Variants in ZNF638 observed in about 807,000 individuals in gnomAD.
ZNF638 encodes the protein zinc finger protein 638.
ZNF638 carries 46 observed loss-of-function variants against 195.6 expected under a neutral mutation model. That is an observed-to-expected ratio of 0.24 (90% CI 0.19 to 0.30). The LOEUF (loss-of-function observed/expected upper bound fraction) is 0.30, where lower values mean the gene tolerates loss of function less well. ZNF638 is among the 10% of genes least tolerant of loss of function. The probability of loss-of-function intolerance (pLI) is 1.00; values close to 1 mark genes in which losing one functional copy is unlikely to be tolerated. For synonymous variants in ZNF638, 845 were observed against 772.0 expected, an observed-to-expected ratio of 1.09 and a Z score of -1.57; for missense variants, 2,440 against 2,325.3, an observed-to-expected ratio of 1.05 and a Z score of -1.01.
intron 3 of ZNF638, among the ~76,000 whole-genome samples, chr2:71,361,475 A>C (rs1453812473): frequency 6.6e-6 from 1 of 152,194 alleles, no homozygotes; most frequent in African/African-American, 2.4e-5. Flanking sequence ...ATGATTAAAG[A>C]TTTGCTTTGA....
At chr2:71,421,646 G>T (rs754881475) in intron 21 of ZNF638, among the ~76,000 whole-genome samples, 1 of 152,142 alleles carries the variant, frequency 6.6e-6, no homozygotes, top group Non-Finnish European at 1.5e-5. Context: ...TAAGAAGCAG[G>T]TCAAAAGGGA....
chr2:71,352,190 G>A (rs1421974176), intron 2 of ZNF638, among the ~76,000 whole-genome samples: 1 of 151,964 alleles, frequency 6.6e-6, no homozygotes, highest in Non-Finnish European at 1.5e-5. Flanking sequence ...TAAAGAGGAG[G>A]AGGGGGCCGG....
chr2:71,408,222 T>C lies in ZNF638; in HGVS notation c.3236T>C (p.Leu1079Ser). The C allele has an allele frequency of 6.2e-7, 1 of 1,612,786 alleles. No homozygotes were observed. Among genetic ancestry groups the C allele is most frequent in the Non-Finnish European group, 8.5e-7 (1 of 1,179,414 alleles). Residue 1079 changes from leucine to serine, a missense_variant, in exon 20 of 28, where the codon TTA becomes TCA. Physicochemically the swap from Leu to Ser is moderately radical, Grantham distance 145. Transcript: ENST00000264447. ...GGTGACCATATGTTGACCTGCTCAT[T>C]ATCTCCAAAGATAGACTTACCAGAG... ...NIGDHMLTCS[L>S]SPKIDLPEVQ...
intron 5 of ZNF638, 144 bp downstream of exon 5, chr2:71,364,396 T>G: frequency 3.5e-6 from 3 of 868,610 alleles, no homozygotes; most frequent in Non-Finnish European, 5.1e-6. Flanking sequence ...ACAGAGTTAT[T>G]CCCTCTGGTA....
At chr2:71,341,396 A>T (rs573648327) in intron 1 of ZNF638, among the ~76,000 whole-genome samples, 3 of 152,310 alleles carry the variant, frequency 2.0e-5, no homozygotes, top group African/African-American at 7.2e-5. Context: ...TTAGAAAAAT[A>T]AAATGTCAAC....
At chr2:71,410,368 G>T (rs531254887) in intron 20 of ZNF638, among the ~76,000 whole-genome samples, 195 of 145,760 alleles carry the variant, frequency 1.3e-3, no homozygotes, top group Non-Finnish European at 1.8e-3. Flanking sequence ...TTTGATTTTT[G>T]ATTTTTTTTT....
intron 1 of ZNF638, among the ~76,000 whole-genome samples, chr2:71,339,209 T>TGGCA (rs2078723069): frequency 6.6e-6 from 1 of 151,072 alleles, no homozygotes; most frequent in Admixed American, 6.6e-5. Flanking sequence ...TGGAGTGCAG[T>TGGCA]GGCACCATCT....
rs549720740 is a variant in ZNF638, at chr2:71,420,646, A to G, written c.3299+2007A>G. 1.1e-3 allele frequency among the ~76,000 whole-genome samples: 169 copies of G among 152,214 alleles called. 1 individual carries two copies. The highest frequency in any genetic ancestry group is 1.9e-3 in the Non-Finnish European group (131 of 68,028). On this transcript the variant is annotated intron_variant, in intron 21 of 27. Transcript: ENST00000264447. ...GAGGAGTGGCAAATGAGATATCTGT[A>G]TCTCAAATGCCTTTCTGGAATCCTT...
intron 6 of ZNF638, among the ~76,000 whole-genome samples, chr2:71,367,184 T>C (rs2079215121): frequency 6.6e-6 from 1 of 151,950 alleles, no homozygotes; most frequent in South Asian, 2.1e-4. Context: ...AGTCTCATAA[T>C]ATGAAGTTCT....
rs1558883227 is a variant in ZNF638 at position 71,422,955 on chromosome 2, T to G, written c.3441T>G (p.Cys1147Trp). Residue 1147 changes from cysteine to tryptophan, a missense_variant, in exon 22 of 28, where the codon TGT (cysteine) becomes TGG (tryptophan). Coordinates refer to ENST00000264447, the MANE Select transcript of ZNF638 (RefSeq NM_014497.5). ...TETLVQQEEP[C>W]EEEAEKATCD... Reference sequence around the variant, plus strand: ...CTTTGGTACAGCAGGAAGAGCCTTGTGAGGAAGAAGCTGAAAAAGCAACAT... The same window carrying G: ...CTTTGGTACAGCAGGAAGAGCCTTGGGAGGAAGAAGCTGAAAAAGCAACAT... The G allele has an allele frequency of 6.2e-7, 1 of 1,614,096 alleles. No homozygotes were observed. Among genetic ancestry groups the G allele is most frequent in the African/African-American group, 1.3e-5 (1 of 75,026 alleles).
At chr2:71,350,362 G>C in intron 2 of ZNF638, 91 bp downstream of exon 2, 1 of 1,297,240 alleles carries the variant, frequency 7.7e-7, no homozygotes, top group Non-Finnish European at 1.1e-6. Flanking sequence ...TTAACTAGGC[G>C]TTAAGGAAAT....
chr2:71,373,709 C>T (rs528144329), intron 8 of ZNF638, among the ~76,000 whole-genome samples: 3 of 151,844 alleles, frequency 2.0e-5, no homozygotes, highest in South Asian at 2.1e-4. Context: ...TGAGCCACCT[C>T]GCCCGGCCAA....
At chr2:71,357,215 G>A (rs537282299) in intron 3 of ZNF638, among the ~76,000 whole-genome samples, 5 of 152,074 alleles carry the variant, frequency 3.3e-5, no homozygotes, top group African/African-American at 1.2e-4. Context: ...GTTCAATTTT[G>A]GTTAGTTGTC....
chr2:71,348,244 G>A (rs1447372660), intron 1 of ZNF638, among the ~76,000 whole-genome samples: 2 of 152,196 alleles, frequency 1.3e-5, no homozygotes, highest in Non-Finnish European at 1.5e-5. Flanking sequence ...GAACATAAGT[G>A]TAGTTTAATT....
chr2:71,425,971 T>C (rs1017711229), intron 23 of ZNF638, among the ~76,000 whole-genome samples: 21 of 152,318 alleles, frequency 1.4e-4, no homozygotes, highest in African/African-American at 5.1e-4. Context: ...TCTTAAAATA[T>C]GTATTCTATA....
At chr2:71,417,872 T>A (rs1335283207) in intron 20 of ZNF638, among the ~76,000 whole-genome samples, 1 of 152,232 alleles carries the variant, frequency 6.6e-6, no homozygotes, top group Non-Finnish European at 1.5e-5. Context: ...ACACATTGAA[T>A]TTCCTTAAAG....
intron 1 of ZNF638, among the ~76,000 whole-genome samples, chr2:71,339,422 A>G (rs997798911): frequency 6.6e-6 from 1 of 152,194 alleles, no homozygotes; most frequent in African/African-American, 2.4e-5. Context: ...AAGTGCTGGG[A>G]TTACAGGCAT....
chr2:71,386,928 G>C (rs1192625514), intron 10 of ZNF638, among the ~76,000 whole-genome samples: 1 of 151,366 alleles, frequency 6.6e-6, no homozygotes, highest in African/African-American at 2.4e-5. Context: ...GTTCATTGCA[G>C]TCTCCACCTC....
intron 14 of ZNF638, 120 bp downstream of exon 14, chr2:71,400,300 A>C: frequency 9.4e-7 from 1 of 1,058,572 alleles, no homozygotes; most frequent in Non-Finnish European, 1.3e-6. Context: ...TTTTGATCTC[A>C]GAATGAAATT....
Sources: allele counts gnomAD v4.1 joint callset (sites outside exome capture counted in the v4.1 genomes callset), GRCh38; gene constraint gnomAD v4.1.1; transcripts MANE v1.5; gene names NCBI Gene and HGNC (gene_info 2026-07-23, HGNC 2026-07-21).